DDHD1: variants seen among roughly 807,000 people sequenced by gnomAD.
The protein encoded by DDHD1 is phospholipase DDHD1.
Under a neutral mutation model 96.4 loss-of-function variants are expected in DDHD1, and 49 were observed. The observed-to-expected ratio is 0.51, with a 90% CI of 0.40 to 0.64. The LOEUF is 0.64. Ranked by LOEUF, DDHD1 falls within the 30% of genes least tolerant of loss-of-function variation. The pLI is 0.00. For missense variants in DDHD1, 1,106 were observed against 1,161.2 expected (o/e 0.95, Z 0.69); for synonymous variants, 442 against 446.5 (o/e 0.99, Z 0.13).
At chr14:53,122,945 T>C (rs185214860) in intron 1 of DDHD1, among the ~76,000 whole-genome samples, 28 of 151,912 alleles carry the variant, frequency 1.8e-4, no homozygotes, top group Admixed American at 1.5e-3. Context: ...ACAACATTTT[T>C]ACAGAAGGAG....
At chr14:53,055,984 T>C in intron 9 of DDHD1, 72 bp from the exon 10 acceptor site, 1 of 1,298,444 alleles carries the variant, frequency 7.7e-7, no homozygotes, top group Non-Finnish European at 1.1e-6. Flanking sequence ...TAAACTGTTC[T>C]TACTCTACTG....
rs76480925 is a variant in DDHD1, at chr14:53,114,433, C to T, written c.839-10577G>A. Among the ~76,000 whole-genome samples, 1,279 of 152,330 alleles carry T rather than the reference C, an allele frequency of 8.4e-3. 20 individuals are homozygous for T. The highest frequency in any genetic ancestry group is 0.029 in the African/African-American group (1,214 of 41,584). Reference sequence around the variant, plus strand: ...AAGTGGGTCCCTAACCCCCATACCTCCTGACTGGGAGAGATCTCCCAACAG... The same window carrying T: ...AAGTGGGTCCCTAACCCCCATACCTTCTGACTGGGAGAGATCTCCCAACAG... On this transcript the variant is annotated intron_variant, in intron 1 of 12. Transcript: ENST00000673822.
intron 4 of DDHD1, among the ~76,000 whole-genome samples, chr14:53,074,513 A>T (rs1043565234): frequency 3.9e-5 from 6 of 151,924 alleles, no homozygotes; most frequent in African/African-American, 1.4e-4. Context: ...ATTCAGTATT[A>T]TCATGCCAAA....
At chr14:53,090,971 A>G (rs116995230) in intron 4 of DDHD1, among the ~76,000 whole-genome samples, 4,169 of 152,246 alleles carry the variant, frequency 0.027, 71 homozygotes, top group Non-Finnish European at 0.042. Flanking sequence ...TTGCATTATT[A>G]TTATAGAGGT....
In DDHD1 at chr14:53,124,981, G is replaced by A. The variant is rs535787489; in HGVS notation, c.839-21125C>T. ...TGGCCTTTCCTCTGCGTGTGTGGGT[G>A]TGTGGGTGTGTCTCTCGTGTCTCTG... On this transcript the variant is annotated intron_variant, in intron 1 of 12. Transcript: ENST00000673822. 4.6e-5 allele frequency among the ~76,000 whole-genome samples: 7 copies of A among 152,232 alleles called. No individual in the cohort carries two copies. The South Asian group carries it at 1.5e-3, about 32-fold the overall frequency.
chr14:53,073,953 T>C (rs1429767580), intron 4 of DDHD1, 106 bp from the exon 5 acceptor site: 10 of 991,422 alleles, frequency 1.0e-5, no homozygotes, highest in Non-Finnish European at 1.5e-5. Context: ...TTCCATTTGC[T>C]TATAGCTTTG....
intron 6 of DDHD1, among the ~76,000 whole-genome samples, chr14:53,063,851 T>C (rs1041573155): frequency 5.3e-5 from 8 of 152,134 alleles, no homozygotes; most frequent in Non-Finnish European, 1.0e-4. Context: ...GTTAATAATG[T>C]GGGGAGTATT....
In DDHD1 at chr14:53,067,360, T is replaced by C. The variant is rs569434180; in HGVS notation, c.1504-4155A>G. On this transcript the variant is annotated intron_variant, in intron 6 of 12. Transcript: ENST00000673822. ...TTTTAGTAGAGATGGAGTTTTGCCA[T>C]GTTGGCCAGGCTGGTCTGAACTACC... Among the ~76,000 whole-genome samples, 13 of 152,134 alleles carry C rather than the reference T, an allele frequency of 8.5e-5. No individual in the cohort carries two copies. In the South Asian group the frequency reaches 2.1e-3, roughly 24 times the overall value.
chr14:53,081,688 A>T lies in DDHD1; in HGVS notation c.1290-7841T>A, dbSNP rs187833075. ...ATGTAGCTGGGAAACCCTAATTTTG[A>T]GTTCTCAACTTGGAAACACTACATC... On this transcript the variant is annotated intron_variant, in intron 4 of 12. Coordinates refer to ENST00000673822, the MANE Select transcript of DDHD1 (RefSeq NM_001160148.2). Among the ~76,000 whole-genome samples the T allele has an allele frequency of 2.6e-5, 4 of 152,328 alleles. No individual in the cohort carries two copies. In the East Asian group the frequency reaches 7.7e-4, roughly 29 times the overall value.
chr14:53,105,108 T>C (rs1887586978), intron 1 of DDHD1, among the ~76,000 whole-genome samples: 1 of 151,910 alleles, frequency 6.6e-6, no homozygotes, highest in Admixed American at 6.6e-5. Flanking sequence ...ATCAAATAAA[T>C]AAAAAAGCTT....
At chr14:53,111,998 G>A (rs922962558) in intron 1 of DDHD1, among the ~76,000 whole-genome samples, 18 of 152,260 alleles carry the variant, frequency 1.2e-4, no homozygotes, top group African/African-American at 3.6e-4. Flanking sequence ...GAGCTTTGTC[G>A]TGGAAGCTAT....
At chr14:53,139,090 A>ACACAC (rs1491184035) in intron 1 of DDHD1, among the ~76,000 whole-genome samples, 21 of 142,110 alleles carry the variant, frequency 1.5e-4, no homozygotes, top group East Asian at 6.0e-4. Context: ...AAAAAAAAAA[A>ACACAC]CCACACCCAC....
chr14:53,144,220 T>TA (rs1410075693), intron 1 of DDHD1, among the ~76,000 whole-genome samples: 4 of 152,250 alleles, frequency 2.6e-5, no homozygotes, highest in African/African-American at 9.6e-5. Context: ...GTCCTAATGT[T>TA]TTCCAGTGAA....
chr14:53,103,990 A>G (rs1311879282), intron 1 of DDHD1, 134 bp from the exon 2 acceptor site: 3 of 701,402 alleles, frequency 4.3e-6, no homozygotes, highest in Non-Finnish European at 6.6e-6. Flanking sequence ...CAATCATCTA[A>G]ACTTTTATTT....
intron 4 of DDHD1, among the ~76,000 whole-genome samples, chr14:53,085,161 C>G (rs61985090): frequency 1.3e-5 from 2 of 152,290 alleles, no homozygotes; most frequent in Middle Eastern, 3.4e-3. Flanking sequence ...CAATGAGGCC[C>G]GCACGCCTCT....
intron 4 of DDHD1, among the ~76,000 whole-genome samples, chr14:53,075,929 A>G (rs1884920267): frequency 6.6e-6 from 1 of 152,052 alleles, no homozygotes; most frequent in Admixed American, 6.6e-5. Flanking sequence ...GTTGAGACCT[A>G]CTGCTCAGAA....
At chr14:53,049,695 A>T (rs1882368500) in intron 12 of DDHD1, among the ~76,000 whole-genome samples, 1 of 149,450 alleles carries the variant, frequency 6.7e-6, no homozygotes, top group Non-Finnish European at 1.5e-5. Context: ...ATAAATTATC[A>T]CTTCTTTTTC....
chr14:53,134,078 T>G (rs1890060531), intron 1 of DDHD1, among the ~76,000 whole-genome samples: 1 of 152,072 alleles, frequency 6.6e-6, no homozygotes, highest in African/African-American at 2.4e-5. Context: ...GCCTAATACA[T>G]CCCTTCATTC....
intron 7 of DDHD1, 41 bp from the exon 8 acceptor site, chr14:53,061,242 A>C (rs1426004422): frequency 2.0e-6 from 3 of 1,519,404 alleles, no homozygotes; most frequent in Non-Finnish European, 2.7e-6. Context: ...ACGTATTTAT[A>C]ATTTCATAAA....
Sources: allele counts gnomAD v4.1 joint callset (sites outside exome capture counted in the v4.1 genomes callset), GRCh38; gene constraint gnomAD v4.1.1; transcripts MANE v1.5; gene names NCBI Gene and HGNC (gene_info 2026-07-23, HGNC 2026-07-21).